SPATA22: variants seen among roughly 807,000 people sequenced by gnomAD.
The protein encoded by SPATA22 is spermatogenesis associated 22, also known as spermatogenesis-associated protein 22.
A neutral mutation model predicts 47.8 loss-of-function variants in SPATA22; 29 were observed. The ratio of observed to expected loss-of-function variants is 0.61; its 90% CI spans 0.45 to 0.83. The LOEUF (loss-of-function observed/expected upper bound fraction) is 0.83, where lower values mean the gene tolerates loss of function less well. Among genes scored for constraint, SPATA22 ranks in the 40% least tolerant of loss-of-function variants. SPATA22 has a pLI of 0.00. For missense variants in SPATA22, 410 were observed against 421.7 expected (o/e 0.97, Z 0.24); for synonymous variants, 133 against 140.9 (o/e 0.94, Z 0.40).
At chr17:3,457,334 A>G (rs1195010590) in intron 5 of SPATA22, among the ~76,000 whole-genome samples, 2 of 152,190 alleles carry the variant, frequency 1.3e-5, no homozygotes, top group African/African-American at 4.8e-5. Context: ...TTAAGCTGAT[A>G]AGCAACTTCA....
intron 1 of SPATA22, among the ~76,000 whole-genome samples, chr17:3,478,058 A>T (rs1360715930): frequency 6.6e-6 from 1 of 151,972 alleles, no homozygotes; most frequent in African/African-American, 2.4e-5. Context: ...GGTGGCGGGC[A>T]CCTGTAGTCC....
At chr17:3,469,986 G>A (rs897919073) in intron 1 of SPATA22, among the ~76,000 whole-genome samples, 4 of 151,592 alleles carry the variant, frequency 2.6e-5, no homozygotes, top group Non-Finnish European at 4.4e-5. Context: ...CCAGCTACTC[G>A]GGAGGCCGAG....
chr17:3,464,762 A>G (rs1259581853), intron 3 of SPATA22, among the ~76,000 whole-genome samples: 9 of 132,742 alleles, frequency 6.8e-5, no homozygotes, highest in African/African-American at 2.2e-4. Context: ...CCGTCTGAGA[A>G]GTGAGGAGCC....
At chr17:3,463,833 C>T (rs1161449344) in intron 3 of SPATA22, among the ~76,000 whole-genome samples, 3 of 152,096 alleles carry the variant, frequency 2.0e-5, no homozygotes, top group African/African-American at 4.8e-5. Context: ...CTATTCTCTT[C>T]TATTTCTTTT....
chr17:3,462,802 A>G (rs2073158112), intron 3 of SPATA22, 35 bp from the exon 4 acceptor site: 1 of 1,471,998 alleles, frequency 6.8e-7, no homozygotes, highest in Non-Finnish European at 9.5e-7. Context: ...TAAAAGTAAG[A>G]TAGGTAGTAT....
At position 3,448,876 on chromosome 17, in the gene SPATA22, C is replaced by T. The variant is rs2072788257; in HGVS notation, c.603G>A (p.Lys201=). The stretch of plus-strand genomic sequence containing the variant: ...TATATTGATTTTGTTGAAAATTGGG[C>T]TTAAGTGTCTGTAGTGCACTGTTTT... ...LDKNSALQTL[K]PNFQQNQYKK... is the part of the protein sequence containing the mutation. The change falls in exon 6 of 9, where the codon AAG becomes AAA. Residue 201 remains lysine (K), a synonymous_variant. Transcript: ENST00000572969. 6.2e-7 allele frequency: 1 copy of T among 1,613,588 alleles called. No homozygotes were observed.
chr17:3,481,966 G>A (rs2073639588), intron 1 of SPATA22, among the ~76,000 whole-genome samples: 1 of 152,086 alleles, frequency 6.6e-6, no homozygotes, highest in Admixed American at 6.6e-5. Context: ...CCAGAACACA[G>A]AGGCAGTGGT....
chr17:3,496,530 C>T (rs1276456474), intron 1 of SPATA22, among the ~76,000 whole-genome samples: 1 of 152,130 alleles, frequency 6.6e-6, no homozygotes, highest in African/African-American at 2.4e-5. Flanking sequence ...ATCTGAGGAA[C>T]AGCAAGAAGA....
chr17:3,483,667 C>A, intron 1 of SPATA22: 2 of 1,414,310 alleles, frequency 1.4e-6, no homozygotes, highest in Non-Finnish European at 2.0e-6. Flanking sequence ...TATTTTTTAT[C>A]TTATTTTATT....
chr17:3,463,933 C>CTCCCTCTG (rs2073197216), intron 3 of SPATA22, among the ~76,000 whole-genome samples: 2 of 99,528 alleles, frequency 2.0e-5, no homozygotes, highest in Non-Finnish European at 4.3e-5. Flanking sequence ...CTCTCCCTCT[C>CTCCCTCTG]CCTCTCCCTC....
At chr17:3,496,725 C>T (rs960836570) in intron 1 of SPATA22, among the ~76,000 whole-genome samples, 3 of 152,192 alleles carry the variant, frequency 2.0e-5, no homozygotes, top group African/African-American at 7.2e-5. Flanking sequence ...ACTAAAGTAG[C>T]GCTTCTCAAA....
chr17:3,455,608 A>G (rs1377991249), intron 5 of SPATA22, among the ~76,000 whole-genome samples: 5 of 140,750 alleles, frequency 3.6e-5, no homozygotes, highest in Non-Finnish European at 7.7e-5. Flanking sequence ...ATAGTTGTAG[A>G]TATGCGGCGT....
At chr17:3,455,635 GT>G (rs1275832549) in intron 5 of SPATA22, among the ~76,000 whole-genome samples, 1 of 142,110 alleles carries the variant, frequency 7.0e-6, no homozygotes, top group Non-Finnish European at 1.5e-5. Context: ...TGAGGGCTCT[GT>G]TCTGTTCCAT....
chr17:3,447,104 ATAAG>A (rs1014547332), intron 6 of SPATA22, among the ~76,000 whole-genome samples: 18 of 152,282 alleles, frequency 1.2e-4, no homozygotes, highest in African/African-American at 3.6e-4. Flanking sequence ...GATTTAAAAA[ATAAG>A]TAAACATATA....
At chr17:3,510,848 T>C (rs1462783694) in intron 1 of SPATA22, 2 of 152,214 alleles carry the variant, frequency 1.3e-5, no homozygotes, top group African/African-American at 4.8e-5. Flanking sequence ...ATGTCAATAA[T>C]AAAGGGCTCT....
chr17:3,476,692 C>T (rs180671169), upstream of SPATA22, among the ~76,000 whole-genome samples: 366 of 152,228 alleles, frequency 2.4e-3, 2 homozygotes, highest in African/African-American at 8.4e-3. Flanking sequence ...TAAAATCATA[C>T]CTTTAAAGAA....
chr17:3,446,719 A>C lies in SPATA22; in HGVS notation c.673-118T>G, dbSNP rs559391897. ...AATGGACAAGTGTGTAAAAAGAACTACTGAAAATTTTAGTATAGTTACTTC... is the reference window on the plus strand; with the variant it reads ...AATGGACAAGTGTGTAAAAAGAACTCCTGAAAATTTTAGTATAGTTACTTC... On this transcript the variant is annotated intron_variant, in intron 6 of 8. Coordinates refer to ENST00000572969, the MANE Select transcript of SPATA22 (RefSeq NM_001170698.2). 158 of 837,916 alleles carry C rather than the reference A, an allele frequency of 1.9e-4. No individual in the cohort carries two copies. In the African/African-American group the frequency reaches 2.7e-3, roughly 14 times the overall value. The allele number at this position is 837,916 out of a possible 1,614,324, so 51.9% of individuals were successfully genotyped here. A position where few individuals can be genotyped will look rare whatever the true frequency, so the allele number is the denominator to read the frequency against.
chr17:3,464,383 G>A (rs1399653210), intron 3 of SPATA22, among the ~76,000 whole-genome samples: 2 of 147,070 alleles, frequency 1.4e-5, no homozygotes, highest in Non-Finnish European at 3.1e-5. Flanking sequence ...CCAGAGTGCA[G>A]CCTCTGCCCG....
chr17:3,446,582 A>G lies in SPATA22; in HGVS notation c.692T>C (p.Leu231Ser). The G allele has an allele frequency of 1.9e-6, 3 of 1,573,592 alleles. No homozygotes were observed. The highest frequency in any genetic ancestry group is 2.3e-5 in the East Asian group (1 of 44,176). Residue 231 changes from leucine (L) to serine (S), a missense_variant, in exon 7 of 9, where the codon TTA (leucine) becomes TCA (serine). By Grantham distance (145) the Leu-to-Ser change is moderately radical. Coordinates refer to ENST00000572969, the MANE Select transcript of SPATA22 (RefSeq NM_001170698.2). ...NTLKETSLYQ[L>S]QFKEKASSLR... is the part of the protein sequence containing the mutation. ...AGAACTAGCTTTTTCCTTAAACTGT[A>G]ACTGATACAATGAGGTTTCCTTTTG...
Sources: allele counts gnomAD v4.1 joint callset (sites outside exome capture counted in the v4.1 genomes callset), GRCh38; gene constraint gnomAD v4.1.1; transcripts MANE v1.5; gene names NCBI Gene and HGNC (gene_info 2026-07-23, HGNC 2026-07-21).